Variants in SLC9A9 observed in about 807,000 individuals in gnomAD.
SLC9A9 encodes the protein sodium/hydrogen exchanger 9.
SLC9A9 carries 62 observed loss-of-function variants against 77.8 expected under a neutral mutation model. That is an observed-to-expected ratio of 0.80 (90% confidence interval 0.65 to 0.98). The LOEUF (loss-of-function observed/expected upper bound fraction) is 0.98. SLC9A9 is among the 50% of genes least tolerant of loss of function. The pLI, the probability that SLC9A9 is intolerant of heterozygous loss-of-function variation, is 0.00. For missense variants in SLC9A9, 775 were observed against 774.9 expected, an observed-to-expected ratio of 1.00 and a Z score of 0.00; for synonymous variants, 320 against 283.5, an observed-to-expected ratio of 1.13 and a Z score of -1.29.
chr3:143,609,577 G>A (rs749037581), intron 6 of SLC9A9, among the ~76,000 whole-genome samples: 3 of 152,034 alleles, frequency 2.0e-5, no homozygotes, highest in Non-Finnish European at 2.9e-5. Flanking sequence ...AAAAGTGGAA[G>A]ACTTTTCCTC....
chr3:143,391,019 C>T lies in SLC9A9; in HGVS notation c.1470-8905G>A, dbSNP rs566373464. Among the ~76,000 whole-genome samples the T allele has an allele frequency of 4.4e-3, 668 of 152,336 alleles. 4 individuals carry two copies. The highest frequency in any genetic ancestry group is 0.015 in the African/African-American group (627 of 41,578). On this transcript the variant is annotated intron_variant, in intron 12 of 15. Transcript: ENST00000316549. ...TGCCTGCCTCTGTAGACTCCACCTC[C>T]GGGGGCAGGGCATAGCCAAACAAAA...
chr3:143,843,975 ACCCATTAC>A (rs2009768865), intron 1 of SLC9A9, among the ~76,000 whole-genome samples: 1 of 152,204 alleles, frequency 6.6e-6, no homozygotes, highest in Non-Finnish European at 1.5e-5. Flanking sequence ...ATAATAGATT[ACCCATTAC>A]TGTTCCTGGT....
At chr3:143,580,066 G>A (rs891304351) in intron 6 of SLC9A9, among the ~76,000 whole-genome samples, 3 of 152,170 alleles carry the variant, frequency 2.0e-5, no homozygotes, top group African/African-American at 7.2e-5. Context: ...CCTTTGAAGT[G>A]TTTTTCTTTT....
chr3:143,824,675 G>A (rs2009254242), intron 2 of SLC9A9, among the ~76,000 whole-genome samples: 2 of 152,098 alleles, frequency 1.3e-5, no homozygotes, highest in Admixed American at 1.3e-4. Context: ...CCTGGCAAGT[G>A]GCAAGTGCTC....
At chr3:143,682,081 A>C (rs2108774073) in intron 5 of SLC9A9, among the ~76,000 whole-genome samples, 1 of 152,286 alleles carries the variant, frequency 6.6e-6, no homozygotes, top group East Asian at 1.9e-4. Flanking sequence ...GAGAAAGCTC[A>C]CTATCTGTTA....
chr3:143,353,769 C>T (rs1448406560), intron 14 of SLC9A9, among the ~76,000 whole-genome samples: 4 of 151,848 alleles, frequency 2.6e-5, no homozygotes, highest in Non-Finnish European at 5.9e-5. Context: ...ACTTTTTTCC[C>T]CTTAGGGAAG....
chr3:143,636,477 A>C (rs1016186280), intron 6 of SLC9A9, among the ~76,000 whole-genome samples: 3 of 152,108 alleles, frequency 2.0e-5, no homozygotes, highest in South Asian at 2.1e-4. Context: ...TAAATTTTTT[A>C]ATATTTTTAT....
In SLC9A9 at chr3:143,268,945, G is replaced by A. The variant is rs764954047; in HGVS notation, c.1640C>T (p.Pro547Leu). 4 of 1,613,578 alleles carry A rather than the reference G, an allele frequency of 2.5e-6. No individual in the cohort carries two copies. The highest frequency in any genetic ancestry group is 2.2e-5 in the South Asian group (2 of 91,062). ...LKPILTHSGP[P>L]LTTTLPEWCG... ...CCATTCAGGTAATGTTGTAGTCAGC[G>A]GAGGACCAGAGTGGGTTAAAATTGG... Residue 547 changes from proline to leucine, a missense_variant, in exon 15 of 16, where the codon CCG (proline) becomes CTG (leucine). By Grantham distance (98) the Pro-to-Leu change is moderately conservative. Coordinates refer to ENST00000316549, the MANE Select transcript of SLC9A9 (RefSeq NM_173653.4).
At chr3:143,349,829 AAAAT>A (rs1302922757) in intron 14 of SLC9A9, among the ~76,000 whole-genome samples, 2 of 152,230 alleles carry the variant, frequency 1.3e-5, no homozygotes, top group African/African-American at 4.8e-5. Context: ...ACAAAATACT[AAAAT>A]AAGTATTCTG....
intron 5 of SLC9A9, among the ~76,000 whole-genome samples, chr3:143,675,660 G>T (rs1351618886): frequency 6.6e-6 from 1 of 152,064 alleles, no homozygotes; most frequent in Non-Finnish European, 1.5e-5. Context: ...TGAGTTTGAA[G>T]ATTTTCCTTT....
At chr3:143,438,684 TG>T (rs892668991) in intron 12 of SLC9A9, among the ~76,000 whole-genome samples, 3 of 152,170 alleles carry the variant, frequency 2.0e-5, no homozygotes, top group Non-Finnish European at 2.9e-5. Flanking sequence ...CCACAGGGTA[TG>T]GGGCTCTCTG....
chr3:143,508,930 C>G (rs2036071022), intron 9 of SLC9A9, among the ~76,000 whole-genome samples: 1 of 152,120 alleles, frequency 6.6e-6, no homozygotes, highest in South Asian at 2.1e-4. Context: ...TATATGTAAA[C>G]AGTGATATTA....
At chr3:143,596,352 C>G (rs2037752189) in intron 6 of SLC9A9, among the ~76,000 whole-genome samples, 1 of 152,152 alleles carries the variant, frequency 6.6e-6, no homozygotes, top group Non-Finnish European at 1.5e-5. Flanking sequence ...ATACACACAC[C>G]TGGGTCATTT....
intron 8 of SLC9A9, among the ~76,000 whole-genome samples, chr3:143,561,326 T>C (rs568667609): frequency 4.6e-5 from 7 of 152,208 alleles, no homozygotes; most frequent in East Asian, 3.9e-4. Context: ...TAGTGGAAAA[T>C]TGATAGTCTT....
At chr3:143,678,309 T>C (rs1343356922) in intron 5 of SLC9A9, among the ~76,000 whole-genome samples, 2 of 152,220 alleles carry the variant, frequency 1.3e-5, no homozygotes, top group Admixed American at 6.5e-5. Flanking sequence ...TTTCTTTTTA[T>C]ATCTTCAAAT....
chr3:143,593,884 C>T (rs1453006532), intron 6 of SLC9A9, among the ~76,000 whole-genome samples: 3 of 152,136 alleles, frequency 2.0e-5, no homozygotes, highest in Non-Finnish European at 2.9e-5. Context: ...CCCCACAAAC[C>T]TAATGCCAGA....
chr3:143,814,768 A>T (rs1007901161), intron 2 of SLC9A9, among the ~76,000 whole-genome samples: 3 of 152,042 alleles, frequency 2.0e-5, no homozygotes, highest in Non-Finnish European at 4.4e-5. Flanking sequence ...TACCTTCCCT[A>T]CTCTGATGTC....
chr3:143,393,001 C>T (rs1278151838), intron 12 of SLC9A9, among the ~76,000 whole-genome samples: 2 of 152,174 alleles, frequency 1.3e-5, no homozygotes, highest in Admixed American at 6.5e-5. Context: ...TAATGGGAGA[C>T]TTTAACACCC....
At chr3:143,492,899 G>A (rs2035773518) in intron 11 of SLC9A9, among the ~76,000 whole-genome samples, 1 of 152,164 alleles carries the variant, frequency 6.6e-6, no homozygotes, top group African/African-American at 2.4e-5. Context: ...AATCACGTAA[G>A]GATCTCTGCA....
Sources: gnomAD v4.1 joint callset for allele counts (sites outside exome capture counted in the v4.1 genomes callset) on GRCh38, gnomAD v4.1.1 for gene constraint, MANE v1.5 for transcripts, NCBI Gene and HGNC (gene_info 2026-07-23, HGNC 2026-07-21) for gene names.